SYT14: variants seen among roughly 807,000 people sequenced by gnomAD.
The protein encoded by SYT14 is synaptotagmin-14.
SYT14 carries 32 observed loss-of-function variants against 74.2 expected under a neutral mutation model. That is an observed-to-expected ratio of 0.43 (90% confidence interval 0.33 to 0.58). The LOEUF is 0.58. Among genes scored for constraint, SYT14 ranks in the 20% least tolerant of loss-of-function variants. The pLI is 0.05. For missense variants in SYT14, 791 were observed against 981.8 expected, an observed-to-expected ratio of 0.81 and a Z score of 2.60; for synonymous variants, 298 against 337.7, an observed-to-expected ratio of 0.88 and a Z score of 1.29.
chr1:209,953,557 A>G (rs1251694461), intron 2 of SYT14, among the ~76,000 whole-genome samples: 1 of 152,188 alleles, frequency 6.6e-6, no homozygotes, highest in African/African-American at 2.4e-5. Context: ...ACTTTAAGGA[A>G]GTTTGGAGCA....
rs1321574978 is a variant in SYT14 at position 210,164,119 on chromosome 1, G to C, written c.*3077G>C. ...TGTATGTCAAATCAGTAAAGAATTT[G>C]TTTAGCATAATATTGCCTTATCTTT... On this transcript the variant is annotated 3_prime_UTR_variant, in exon 10 of 10. Transcript: ENST00000637265. The C allele has an allele frequency of 6.7e-6, 3 of 448,778 alleles. No homozygotes were observed. The Admixed American group carries it at 7.1e-5, about 11-fold the overall frequency. 27.8% of individuals were successfully genotyped at this position (448,778 alleles called of 1,614,324 possible).
intron 7 of SYT14, among the ~76,000 whole-genome samples, chr1:210,135,382 CAGTCCAGTGTATTTCTCATCTCAGAT>C (rs2082763859): frequency 6.6e-6 from 1 of 152,114 alleles, no homozygotes; most frequent in Non-Finnish European, 1.5e-5. Context: ...GTTGGTAATC[CAGTCCAGTGTATTTCTCATCTCAGAT>C]AGATTTTTCA....
chr1:210,038,762 C>T (rs893356087), intron 5 of SYT14, among the ~76,000 whole-genome samples: 1 of 152,108 alleles, frequency 6.6e-6, no homozygotes, highest in Non-Finnish European at 1.5e-5. Context: ...CTTGCTTATA[C>T]AGTTTCTGCT....
At chr1:210,125,107 G>C (rs2082542083) in intron 7 of SYT14, among the ~76,000 whole-genome samples, 1 of 151,370 alleles carries the variant, frequency 6.6e-6, no homozygotes, top group Non-Finnish European at 1.5e-5. Flanking sequence ...GTCCATGTTT[G>C]TTACAAGGAT....
At chr1:210,018,449 G>T (rs561726967) in intron 4 of SYT14, among the ~76,000 whole-genome samples, 1 of 151,958 alleles carries the variant, frequency 6.6e-6, no homozygotes, top group Non-Finnish European at 1.5e-5. Context: ...GCAGTTTTTT[G>T]ATTGTCAGAT....
chr1:210,137,681 CTT>C (rs397717067), intron 7 of SYT14, among the ~76,000 whole-genome samples: 17 of 135,388 alleles, frequency 1.3e-4, no homozygotes, highest in Admixed American at 2.2e-4. Flanking sequence ...CTTCAAATTT[CTT>C]TTTTTTTTTT....
chr1:209,947,413 A>T (rs2078839924), intron 1 of SYT14, among the ~76,000 whole-genome samples: 1 of 152,188 alleles, frequency 6.6e-6, no homozygotes, highest in African/African-American at 2.4e-5. Flanking sequence ...GGAGTTTGGG[A>T]GAAGTTGATT....
chr1:209,995,845 C>G (rs563376723), intron 2 of SYT14, among the ~76,000 whole-genome samples: 64 of 151,960 alleles, frequency 4.2e-4, no homozygotes, highest in African/African-American at 1.2e-3. Flanking sequence ...CAAAACTGCA[C>G]AAGTACATGG....
intron 5 of SYT14, among the ~76,000 whole-genome samples, chr1:210,074,276 A>T (rs190393506): frequency 6.6e-6 from 1 of 152,332 alleles, no homozygotes; most frequent in East Asian, 1.9e-4. Context: ...AATAAGGTTG[A>T]TGCTATTACA....
At chr1:210,046,350 G>A (rs1034650116) in intron 5 of SYT14, among the ~76,000 whole-genome samples, 8 of 152,042 alleles carry the variant, frequency 5.3e-5, no homozygotes, top group Admixed American at 2.6e-4. Flanking sequence ...CTTCAACCTG[G>A]GTGACAAAAC....
At chr1:209,999,381 A>G (rs2079852841) in intron 2 of SYT14, among the ~76,000 whole-genome samples, 1 of 152,132 alleles carries the variant, frequency 6.6e-6, no homozygotes, top group South Asian at 2.1e-4. Flanking sequence ...ACTACCATAC[A>G]ATCCAGAAAT....
chr1:210,098,825 C>T (rs964580084), intron 6 of SYT14, among the ~76,000 whole-genome samples: 49 of 152,128 alleles, frequency 3.2e-4, no homozygotes, highest in African/African-American at 1.2e-3. Context: ...GGACTACAGG[C>T]ACCTGCCACC....
At chr1:210,033,351 G>T (rs1182192449) in intron 5 of SYT14, among the ~76,000 whole-genome samples, 3 of 151,754 alleles carry the variant, frequency 2.0e-5, no homozygotes, top group Non-Finnish European at 4.4e-5. Flanking sequence ...AATATCATTA[G>T]TTTTGGGTGA....
chr1:210,111,520 G>A (rs2082261560), intron 7 of SYT14, among the ~76,000 whole-genome samples: 1 of 151,104 alleles, frequency 6.6e-6, no homozygotes, highest in Non-Finnish European at 1.5e-5. Flanking sequence ...CATTTTTGGG[G>A]GTGGTATGGA....
intron 2 of SYT14, among the ~76,000 whole-genome samples, chr1:209,984,635 TG>T (rs541125417): frequency 5.3e-5 from 8 of 152,344 alleles, no homozygotes; most frequent in Middle Eastern, 3.4e-3. Context: ...GATTTGCTGG[TG>T]ATGTTGTCTT....
At chr1:210,018,155 G>T (rs1215903967) in intron 4 of SYT14, among the ~76,000 whole-genome samples, 2 of 152,106 alleles carry the variant, frequency 1.3e-5, no homozygotes, top group Non-Finnish European at 2.9e-5. Flanking sequence ...TTTGTTTTGA[G>T]ACAGAGTCTT....
chr1:209,939,468 A>G (rs1446772489), intron 1 of SYT14, among the ~76,000 whole-genome samples: 1 of 152,198 alleles, frequency 6.6e-6, no homozygotes, highest in Non-Finnish European at 1.5e-5. Context: ...TAGCTTATTT[A>G]TTTAAGAGAG....
At chr1:209,970,662 CTT>C (rs35639848) in intron 2 of SYT14, among the ~76,000 whole-genome samples, 3 of 62,808 alleles carry the variant, frequency 4.8e-5, no homozygotes, top group African/African-American at 2.0e-4. Flanking sequence ...GGCAGTATGG[CTT>C]TTTTTTTTTT....
intron 5 of SYT14, among the ~76,000 whole-genome samples, chr1:210,025,250 A>G (rs996283115): frequency 2.6e-5 from 4 of 152,142 alleles, no homozygotes; most frequent in African/African-American, 9.7e-5. Flanking sequence ...GTGGCTGATC[A>G]CCCACCTAAG....
Sources: allele counts gnomAD v4.1 joint callset (sites outside exome capture counted in the v4.1 genomes callset), GRCh38; gene constraint gnomAD v4.1.1; transcripts MANE v1.5; gene names NCBI Gene and HGNC (gene_info 2026-07-23, HGNC 2026-07-21).